SPATA17: variants seen among roughly 807,000 people sequenced by gnomAD.
The protein encoded by SPATA17 is spermatogenesis associated 17, also known as spermatogenesis-associated protein 17.
SPATA17 carries 53 observed loss-of-function variants against 62.2 expected under a neutral mutation model. That is an observed-to-expected ratio of 0.85 (90% CI 0.68 to 1.07). The LOEUF (loss-of-function observed/expected upper bound fraction) is 1.07, where lower values mean the gene tolerates loss of function less well. Among genes scored for constraint, SPATA17 ranks in the 50% least tolerant of loss-of-function variants. The pLI, the probability that SPATA17 is intolerant of heterozygous loss-of-function variation, is 0.00. For missense variants in SPATA17, 466 were observed against 425.5 expected, an observed-to-expected ratio of 1.10 and a Z score of -0.84; for synonymous variants, 146 against 146.8, an observed-to-expected ratio of 0.99 and a Z score of 0.04.
intron 9 of SPATA17, chr1:217,850,716 A>G (rs1558076150): frequency 1.9e-6 from 2 of 1,055,766 alleles, no homozygotes; most frequent in Admixed American, 2.2e-5. Context: ...CTCACCCGAC[A>G]AAGCCATTCA....
At chr1:217,741,347 G>T (rs1672621431) in intron 5 of SPATA17, among the ~76,000 whole-genome samples, 2 of 151,884 alleles carry the variant, frequency 1.3e-5, no homozygotes, top group Admixed American at 6.6e-5. Flanking sequence ...TATTTTAATA[G>T]AATTTATTAT....
intron 6 of SPATA17, among the ~76,000 whole-genome samples, chr1:217,766,035 A>C (rs1395024821): frequency 6.6e-6 from 1 of 151,542 alleles, no homozygotes; most frequent in African/African-American, 2.4e-5. Context: ...TTTACTTTTA[A>C]TCTATATGCA....
chr1:217,801,923 T>C, intron 9 of SPATA17, 73 bp downstream of exon 9: 1 of 1,380,522 alleles, frequency 7.2e-7, no homozygotes, highest in Non-Finnish European at 9.8e-7. Context: ...AGAGCAAATA[T>C]AAATATTCTT....
chr1:217,862,652 G>T, intron 9 of SPATA17, 122 bp from the exon 10 acceptor site: 1 of 710,558 alleles, frequency 1.4e-6, no homozygotes, highest in South Asian at 2.1e-5. Context: ...AGAGTATAAT[G>T]GGAAATTTGA....
At chr1:217,828,035 TA>T (rs1283705314) in intron 9 of SPATA17, among the ~76,000 whole-genome samples, 1 of 152,042 alleles carries the variant, frequency 6.6e-6, no homozygotes, top group Non-Finnish European at 1.5e-5. Context: ...CCTGGGAACT[TA>T]AAAAAATTAT....
chr1:217,833,490 T>C (rs1675193739), intron 9 of SPATA17, among the ~76,000 whole-genome samples: 1 of 152,182 alleles, frequency 6.6e-6, no homozygotes. Context: ...TGTTCAAGGC[T>C]TGCCCACCTA....
At chr1:217,752,017 C>G (rs1181797565) in intron 6 of SPATA17, among the ~76,000 whole-genome samples, 1 of 152,074 alleles carries the variant, frequency 6.6e-6, no homozygotes, top group Non-Finnish European at 1.5e-5. Context: ...TGCAAAGTTT[C>G]AAATAAAAGA....
At chr1:217,741,952 A>T in intron 5 of SPATA17, 23 bp from the exon 6 acceptor site, 1 of 1,613,056 alleles carries the variant, frequency 6.2e-7, no homozygotes, top group Non-Finnish European at 8.5e-7. Flanking sequence ...TATCATAAAT[A>T]ACTGCAGATG....
intron 6 of SPATA17, among the ~76,000 whole-genome samples, chr1:217,747,786 G>A (rs1305750690): frequency 6.6e-6 from 1 of 152,004 alleles, no homozygotes; most frequent in Admixed American, 6.6e-5. Context: ...TAATTTATAC[G>A]ATAGATTTTT....
intron 8 of SPATA17, among the ~76,000 whole-genome samples, chr1:217,791,529 A>G (rs566798202): frequency 2.6e-5 from 4 of 152,296 alleles, no homozygotes; most frequent in East Asian, 3.9e-4. Flanking sequence ...AAAAAAGTTT[A>G]TTTTAAGTAA....
chr1:217,805,866 A>C (rs1403705064), intron 9 of SPATA17, among the ~76,000 whole-genome samples: 1 of 152,214 alleles, frequency 6.6e-6, no homozygotes, highest in Non-Finnish European at 1.5e-5. Flanking sequence ...ATACAACCAA[A>C]GTAATCTGTT....
At chr1:217,767,828 A>G (rs1673337806) in intron 6 of SPATA17, among the ~76,000 whole-genome samples, 1 of 152,200 alleles carries the variant, frequency 6.6e-6, no homozygotes, top group Non-Finnish European at 1.5e-5. Context: ...CATTCCTGCC[A>G]TATCCGAGAC....
Position 217,839,112 on chromosome 1 carries a change from AATTG to A in SPATA17, c.1006-23656_1006-23653del, listed in dbSNP as rs199840362. The stretch of plus-strand genomic sequence containing the variant: ...GCTCTAATGTGAAGCCCACTACTCA[AATTG>A]ATTGAGTAGTGCAGTGTCAACCATA... On this transcript the variant is annotated intron_variant, in intron 9 of 10. Coordinates refer to ENST00000366933, the MANE Select transcript of SPATA17 (RefSeq NM_138796.4). Among the ~76,000 whole-genome samples, 1,505 of 152,160 alleles carry A rather than the reference AATTG, an allele frequency of 9.9e-3. 13 individuals are homozygous for A. The highest frequency in any genetic ancestry group is 0.017 in the Non-Finnish European group (1,143 of 67,984).
intron 1 of SPATA17, among the ~76,000 whole-genome samples, chr1:217,636,579 A>AT (rs908091192): frequency 4.6e-5 from 7 of 150,948 alleles, no homozygotes; most frequent in Non-Finnish European, 7.4e-5. Flanking sequence ...CACCCAGCTA[A>AT]TTTTTTTTTC....
rs572930160 is a variant in SPATA17 at position 217,817,541 on chromosome 1, G to A, written c.1005+15691G>A. On this transcript the variant is annotated intron_variant, in intron 9 of 10. Transcript: ENST00000366933. ...TTCCTTTATAATTTACCTAGTCTCA[G>A]GCAGTTCTTTATAGCAGTGTGAGAA... is the stretch of plus-strand genomic sequence containing the variant. Among the ~76,000 whole-genome samples the A allele has an allele frequency of 3.9e-5, 6 of 152,078 alleles. No homozygotes were observed. The East Asian group carries it at 9.7e-4, about 25-fold the overall frequency.
intron 5 of SPATA17, among the ~76,000 whole-genome samples, chr1:217,686,142 G>T (rs537552218): frequency 1.3e-5 from 2 of 152,222 alleles, no homozygotes; most frequent in African/African-American, 4.8e-5. Flanking sequence ...GCAATTGTCA[G>T]ATCCTAGTGT....
chr1:217,646,335 A>G (rs1195717482), intron 1 of SPATA17, among the ~76,000 whole-genome samples: 1 of 152,184 alleles, frequency 6.6e-6, no homozygotes, highest in Non-Finnish European at 1.5e-5. Flanking sequence ...AGCAATATAT[A>G]TGAATTCTTA....
chr1:217,846,014 T>C (rs1675517835), intron 9 of SPATA17, among the ~76,000 whole-genome samples: 1 of 152,084 alleles, frequency 6.6e-6, no homozygotes, highest in Non-Finnish European at 1.5e-5. Flanking sequence ...TTAACTAGCC[T>C]CTATGATAGA....
intron 9 of SPATA17, among the ~76,000 whole-genome samples, chr1:217,849,631 G>A (rs1346545543): frequency 6.6e-6 from 1 of 152,118 alleles, no homozygotes; most frequent in African/African-American, 2.4e-5. Flanking sequence ...TCACCGTTCA[G>A]TATGAAACCT....
Sources: allele counts gnomAD v4.1 joint callset (sites outside exome capture counted in the v4.1 genomes callset), GRCh38; gene constraint gnomAD v4.1.1; transcripts MANE v1.5; gene names NCBI Gene and HGNC (gene_info 2026-07-23, HGNC 2026-07-21).